Variants in PCDHGA7 observed in about 807,000 individuals in gnomAD.
PCDHGA7 encodes the protein protocadherin gamma subfamily A, 7.
PCDHGA7 carries 44 observed loss-of-function variants against 58.3 expected under a neutral mutation model. That is an observed-to-expected ratio of 0.75 (90% CI 0.59 to 0.97). PCDHGA7 has a LOEUF of 0.97. PCDHGA7 is among the 50% of genes least tolerant of loss of function. PCDHGA7 has a pLI of 0.00. For missense variants in PCDHGA7, 1,266 were observed against 1,188.7 expected, an observed-to-expected ratio of 1.06 and a Z score of -0.96; for synonymous variants, 516 against 504.2, an observed-to-expected ratio of 1.02 and a Z score of -0.31.
At chr5:141,478,665 A>G (rs749063178) in intron 1 of PCDHGA7, 88 of 1,551,690 alleles carry the variant, frequency 5.7e-5, no homozygotes, top group Non-Finnish European at 3.7e-5. Flanking sequence ...ATGCATTCAC[A>G]CTTTCAACTG....
rs202040451 is a variant in PCDHGA7, at chr5:141,382,987, C to A, written c.88C>A (p.Arg30Ser). The A allele has an allele frequency of 1.5e-4, 247 of 1,613,278 alleles. 1 individual carries two copies. The East Asian group carries it at 4.5e-3, about 30-fold the overall frequency. The change falls in exon 1 of 4, where the codon CGT (arginine) becomes AGT (serine). Residue 30 changes from arginine (R) to serine (S), a missense_variant. Physicochemically the swap from Arg to Ser is moderately radical, Grantham distance 110. Transcript: ENST00000518325. ...LGTPWEAWAG[R>S]ILYSVSEETD... ...GACCCCCTGGGAAGCCTGGGCAGGA[C>A]GTATTCTCTACTCCGTGTCGGAGGA...
At chr5:141,460,047 C>T (rs2098981053) in intron 1 of PCDHGA7, among the ~76,000 whole-genome samples, 1 of 152,102 alleles carries the variant, frequency 6.6e-6, no homozygotes. Context: ...CACTGCACTC[C>T]AGCCTGGGCA....
chr5:141,404,909 C>CCT, intron 1 of PCDHGA7: 1 of 1,613,916 alleles, frequency 6.2e-7, no homozygotes, highest in Non-Finnish European at 8.5e-7. Context: ...TGGCCAGCCC[C>CCT]CTCTCTCGGC....
At chr5:141,394,845 C>G (rs2093112269) in intron 1 of PCDHGA7, 20 of 1,613,866 alleles carry the variant, frequency 1.2e-5, no homozygotes, top group Non-Finnish European at 1.7e-5. Flanking sequence ...GTTGGGCAGT[C>G]TGAAGCCTTC....
At chr5:141,473,098 A>G (rs564554159) in intron 1 of PCDHGA7, among the ~76,000 whole-genome samples, 6 of 152,300 alleles carry the variant, frequency 3.9e-5, no homozygotes, top group South Asian at 4.1e-4. Context: ...TGTGAGTTGT[A>G]TTACCACACT....
At chr5:141,453,517 C>T (rs1001603927) in intron 1 of PCDHGA7, among the ~76,000 whole-genome samples, 1 of 152,062 alleles carries the variant, frequency 6.6e-6, no homozygotes, top group African/African-American at 2.4e-5. Context: ...TCATTCCTCC[C>T]CTATACCTTC....
At chr5:141,392,893 G>A (rs1281523592) in intron 1 of PCDHGA7, 10 of 1,613,662 alleles carry the variant, frequency 6.2e-6, no homozygotes, top group African/African-American at 2.7e-5. Flanking sequence ...TGGGAAATCG[G>A]GAGGGGACAG....
At chr5:141,405,632 G>A (rs1487962714) in intron 1 of PCDHGA7, 9 of 530,162 alleles carry the variant, frequency 1.7e-5, no homozygotes, top group African/African-American at 1.2e-4. Flanking sequence ...GTGCCACCAC[G>A]CCCGGCTAAT....
At chr5:141,478,720 G>T (rs2154576937) in intron 1 of PCDHGA7, 1 of 1,543,694 alleles carries the variant, frequency 6.5e-7, no homozygotes, top group Admixed American at 2.0e-5. Context: ...ATGGTGGCCT[G>T]CCAGAGTGTG....
intron 1 of PCDHGA7, chr5:141,422,569 G>A (rs1219842498): frequency 6.2e-7 from 1 of 1,613,984 alleles, no homozygotes; most frequent in Admixed American, 1.7e-5. Context: ...AGATGACAAC[G>A]ATAACCCTCC....
rs867210871 is a variant in PCDHGA7, at chr5:141,384,986, C to T, written c.2087C>T (p.Ala696Val). The change falls in exon 1 of 4, where the codon GCG (alanine) becomes GTG (valine). Residue 696 changes from alanine (A) to valine (V), a missense_variant. Ala to Val is a moderately conservative substitution (Grantham distance 64). Transcript: ENST00000518325. ...NYDLTLYLVV[A>V]VATVSCVFLA... ...GACCTCACGTTGTACCTGGTGGTGG[C>T]GGTGGCCACAGTCTCCTGCGTCTTC... 11 of 1,613,988 alleles carry T rather than the reference C, an allele frequency of 6.8e-6. No individual in the cohort carries two copies. Among genetic ancestry groups the T allele is most frequent in the Middle Eastern group, 1.6e-4 (1 of 6,084 alleles).
intron 1 of PCDHGA7, chr5:141,413,478 T>C (rs755324008): frequency 6.2e-7 from 1 of 1,614,074 alleles, no homozygotes; most frequent in East Asian, 2.2e-5. Flanking sequence ...AGCTCTGCGC[T>C]CAGAGCGCGC....
At position 141,455,301 on chromosome 5, in the gene PCDHGA7, T is replaced by G. The variant is rs192443408; in HGVS notation, c.2425-39506T>G. Among the ~76,000 whole-genome samples, 191 of 152,308 alleles carry G rather than the reference T, an allele frequency of 1.3e-3. 1 individual carries two copies. Among genetic ancestry groups the G allele is most frequent in the African/African-American group, 4.4e-3 (181 of 41,566 alleles). On this transcript the variant is annotated intron_variant, in intron 1 of 3. Transcript: ENST00000518325. ...AACATCACTTTACATAGTTTCATCT[T>G]GCATTAGCAATTTTGTGTGTGTGTT...
At chr5:141,441,818 TG>T in intron 1 of PCDHGA7, 1 of 359,922 alleles carries the variant, frequency 2.8e-6, no homozygotes, top group Non-Finnish European at 5.5e-6. Flanking sequence ...ACCCCAGCTC[TG>T]GAGCGCAATG....
chr5:141,483,606 C>T (rs1460635551), intron 1 of PCDHGA7, among the ~76,000 whole-genome samples: 1 of 151,984 alleles, frequency 6.6e-6, no homozygotes, highest in Non-Finnish European at 1.5e-5. Flanking sequence ...CTGGTTTACA[C>T]CTCCATCATT....
intron 1 of PCDHGA7, chr5:141,419,522 C>T (rs781128524): frequency 1.5e-5 from 24 of 1,612,178 alleles, no homozygotes; most frequent in Non-Finnish European, 1.9e-5. Flanking sequence ...GGTGGGCGAC[C>T]GTAACGACAA....
intron 1 of PCDHGA7, among the ~76,000 whole-genome samples, chr5:141,436,613 A>C (rs1334315821): frequency 1.3e-5 from 2 of 152,206 alleles, no homozygotes; most frequent in Non-Finnish European, 2.9e-5. Flanking sequence ...AGGGCTAACA[A>C]AAATCTGATT....
intron 1 of PCDHGA7, chr5:141,423,709 C>G (rs2096768343): frequency 8.7e-7 from 1 of 1,147,590 alleles, no homozygotes; most frequent in African/African-American, 1.9e-5. Context: ...TGGCACAAGT[C>G]TTTTAAGGAG....
At position 141,410,351 on chromosome 5, in the gene PCDHGA7, C is replaced by T. The variant is rs372351374; in HGVS notation, c.2424+25028C>T. ...TCTGGCCATTGCCTTGCGCCTGCGA[C>T]GCTCTCTCAGCCCTGCTACTTGGGA... On this transcript the variant is annotated intron_variant, in intron 1 of 3. Coordinates refer to ENST00000518325, the MANE Select transcript of PCDHGA7 (RefSeq NM_018920.4). The T allele has an allele frequency of 2.5e-6, 4 of 1,613,948 alleles. No homozygotes were observed. In the African/African-American group the frequency reaches 4.0e-5, roughly 16 times the overall value.
Sources: allele counts gnomAD v4.1 joint callset (sites outside exome capture counted in the v4.1 genomes callset), GRCh38; gene constraint gnomAD v4.1.1; transcripts MANE v1.5; gene names NCBI Gene and HGNC (gene_info 2026-07-23, HGNC 2026-07-21).